FAM171B: variants seen among roughly 807,000 people sequenced by gnomAD.
The protein encoded by FAM171B is family with sequence similarity 171 member B, also known as protein FAM171B.
FAM171B carries 19 observed loss-of-function variants against 75.6 expected under a neutral mutation model. That is an observed-to-expected ratio of 0.25 (90% CI 0.18 to 0.37). The LOEUF is 0.37. Among genes scored for constraint, FAM171B ranks in the 10% least tolerant of loss-of-function variants. The probability of loss-of-function intolerance (pLI) is 1.00; values close to 1 mark genes in which losing one functional copy is unlikely to be tolerated. For missense variants in FAM171B, 848 were observed against 982.4 expected (o/e 0.86, Z 1.83); for synonymous variants, 367 against 361.7 (o/e 1.01, Z -0.17).
At chr2:186,714,083 T>G (rs1302810800) in intron 1 of FAM171B, among the ~76,000 whole-genome samples, 1 of 152,082 alleles carries the variant, frequency 6.6e-6, no homozygotes, top group Admixed American at 6.5e-5. Flanking sequence ...AGTGTGACTT[T>G]GAACAGTCTT....
At chr2:186,726,894 T>G (rs1379443044) in intron 1 of FAM171B, among the ~76,000 whole-genome samples, 2 of 152,196 alleles carry the variant, frequency 1.3e-5, no homozygotes, top group Non-Finnish European at 2.9e-5. Context: ...AAGCTTAAAA[T>G]TTTTTACCCA....
At chr2:186,713,710 A>G (rs1689838960) in intron 1 of FAM171B, among the ~76,000 whole-genome samples, 1 of 152,214 alleles carries the variant, frequency 6.6e-6, no homozygotes, top group African/African-American at 2.4e-5. Flanking sequence ...ATATTGTGCA[A>G]TAAAATTACT....
chr2:186,752,488 A>G (rs1401789998), intron 5 of FAM171B, among the ~76,000 whole-genome samples: 1 of 152,202 alleles, frequency 6.6e-6, no homozygotes, highest in East Asian at 1.9e-4. Flanking sequence ...TTTGGAATCT[A>G]GTCTGTTTAC....
intron 2 of FAM171B, among the ~76,000 whole-genome samples, 156 bp downstream of exon 2, chr2:186,740,617 T>C (rs1351638727): frequency 1.3e-5 from 2 of 152,156 alleles, no homozygotes; most frequent in Non-Finnish European, 2.9e-5. Context: ...AAGAAAACAT[T>C]GTCTTAGTCT....
chr2:186,721,486 T>C (rs1689952807), intron 1 of FAM171B, among the ~76,000 whole-genome samples: 2 of 152,208 alleles, frequency 1.3e-5, no homozygotes, highest in African/African-American at 4.8e-5. Context: ...CTAAATGTTT[T>C]TTTCAAAGAA....
At chr2:186,759,355 G>A (rs1392583043) in intron 6 of FAM171B, among the ~76,000 whole-genome samples, 3 of 152,056 alleles carry the variant, frequency 2.0e-5, no homozygotes, top group African/African-American at 4.8e-5. Context: ...TTTCTTTTGG[G>A]TATATATCTA....
At chr2:186,718,312 C>T (rs1689902401) in intron 1 of FAM171B, among the ~76,000 whole-genome samples, 1 of 152,190 alleles carries the variant, frequency 6.6e-6, no homozygotes, top group Non-Finnish European at 1.5e-5. Context: ...CCAGTCATTT[C>T]CATTGTTCCC....
rs1272473338 is a variant in FAM171B at position 186,761,463 on chromosome 2, T to C, written c.1137-16T>C. ...TCATAACTTTTAAATATTTTTTGCC[T>C]TCTCTTCTACTCTAGGGACAAGTGT... On this transcript the variant is annotated splice_polypyrimidine_tract_variant and intron_variant, in intron 7 of 7. Transcript: ENST00000304698. 3 of 1,535,668 alleles carry C rather than the reference T, an allele frequency of 2.0e-6. No individual in the cohort carries two copies. The highest frequency in any genetic ancestry group is 2.6e-6 in the Non-Finnish European group (3 of 1,150,140).
intron 1 of FAM171B, among the ~76,000 whole-genome samples, chr2:186,703,954 C>T (rs1689700909): frequency 6.6e-6 from 1 of 151,898 alleles, no homozygotes; most frequent in Non-Finnish European, 1.5e-5. Flanking sequence ...GTAAAACGAA[C>T]CATTCATGGA....
At chr2:186,706,872 A>G (rs1038656610) in intron 1 of FAM171B, among the ~76,000 whole-genome samples, 1 of 152,066 alleles carries the variant, frequency 6.6e-6, no homozygotes, top group Non-Finnish European at 1.5e-5. Context: ...TAATAATTAC[A>G]TTATATTGAA....
chr2:186,733,044 G>A (rs1690141765), intron 1 of FAM171B, among the ~76,000 whole-genome samples: 1 of 152,134 alleles, frequency 6.6e-6, no homozygotes, highest in South Asian at 2.1e-4. Flanking sequence ...GACATTCCTG[G>A]TGAGGGTGGG....
chr2:186,760,249 A>T (rs1690594835), intron 6 of FAM171B, among the ~76,000 whole-genome samples: 1 of 152,122 alleles, frequency 6.6e-6, no homozygotes, highest in African/African-American at 2.4e-5. Flanking sequence ...GTATGTTCTC[A>T]TAGCAGGAGG....
intron 1 of FAM171B, among the ~76,000 whole-genome samples, chr2:186,697,168 A>T (rs1482803227): frequency 6.6e-6 from 1 of 152,204 alleles, no homozygotes; most frequent in Non-Finnish European, 1.5e-5. Flanking sequence ...AGAAGTTATA[A>T]AGTATGTAAA....
chr2:186,751,018 T>TA, intron 4 of FAM171B, 116 bp from the exon 5 acceptor site: 1 of 719,422 alleles, frequency 1.4e-6, no homozygotes, highest in South Asian at 2.7e-5. Flanking sequence ...ATCTATTTGA[T>TA]ATTAAAATAG....
chr2:186,724,672 C>G (rs1163317738), intron 1 of FAM171B, among the ~76,000 whole-genome samples: 1 of 152,068 alleles, frequency 6.6e-6, no homozygotes, highest in African/African-American at 2.4e-5. Context: ...TTGACAAAGA[C>G]TTTTAGAAAG....
chr2:186,696,189 T>A (rs1039492334), intron 1 of FAM171B, among the ~76,000 whole-genome samples: 2 of 152,132 alleles, frequency 1.3e-5, no homozygotes, highest in African/African-American at 4.8e-5. Flanking sequence ...CACTCTTCGA[T>A]AGATCAAACT....
chr2:186,699,641 A>T (rs371665721), intron 1 of FAM171B, among the ~76,000 whole-genome samples: 4 of 152,076 alleles, frequency 2.6e-5, no homozygotes, highest in South Asian at 4.2e-4. Context: ...ATCCCATTTA[A>T]CCATTTTTGC....
At chr2:186,698,203 G>C (rs1226836681) in intron 1 of FAM171B, among the ~76,000 whole-genome samples, 1 of 152,074 alleles carries the variant, frequency 6.6e-6, no homozygotes, top group African/African-American at 2.4e-5. Context: ...GAAAAATAAT[G>C]AGCTCCATTT....
At chr2:186,703,996 A>G (rs1444880221) in intron 1 of FAM171B, among the ~76,000 whole-genome samples, 1 of 152,182 alleles carries the variant, frequency 6.6e-6, no homozygotes, top group African/African-American at 2.4e-5. Context: ...GCAAGGGATT[A>G]TGGTTAATTC....
Sources: gnomAD v4.1 joint callset for allele counts (sites outside exome capture counted in the v4.1 genomes callset) on GRCh38, gnomAD v4.1.1 for gene constraint, MANE v1.5 for transcripts, NCBI Gene and HGNC (gene_info 2026-07-23, HGNC 2026-07-21) for gene names.